STAG2: variants seen among roughly 807,000 people sequenced by gnomAD.
The protein encoded by STAG2 is cohesin subunit SA-2.
A neutral mutation model predicts 108.1 loss-of-function variants in STAG2; 14 were observed. The observed-to-expected ratio is 0.13, with a 90% CI of 0.09 to 0.20. The LOEUF is 0.20. STAG2 is among the 10% of genes least tolerant of loss of function. The pLI is 1.00. For missense variants in STAG2, 440 were observed against 940.9 expected, an observed-to-expected ratio of 0.47 and a Z score of 6.96; for synonymous variants, 307 against 302.7, an observed-to-expected ratio of 1.01 and a Z score of -0.15.
chrX:124,068,999 G>A (rs2058603400), intron 24 of STAG2, among the ~76,000 whole-genome samples: 1 of 111,495 alleles, frequency 9.0e-6, no homozygotes, highest in African/African-American at 3.3e-5. Flanking sequence ...TTGTTCCAGG[G>A]TAGAAAAGTC....
At chrX:124,029,005 A>ATT (rs2057232820) in intron 4 of STAG2, among the ~76,000 whole-genome samples, 3 of 97,340 alleles carry the variant, frequency 3.1e-5, no homozygotes, top group African/African-American at 1.1e-4. Flanking sequence ...ATATATATAT[A>ATT]TATATATATT....
At position 123,972,230 on chromosome X, in the gene STAG2, T is replaced by C. The variant is rs1265370362; in HGVS notation, c.-163+10374T>C. On this transcript the variant is annotated intron_variant, in intron 1 of 34. Transcript: ENST00000371145. ...ATTGAGTAATTTGTGTTTTTTTTTT[T>C]CCCTCTAGCTAGTTGACGTTTGGAG... Among the ~76,000 whole-genome samples, 15 of 110,858 alleles carry C rather than the reference T, an allele frequency of 1.4e-4. No homozygotes were observed. The East Asian group carries it at 2.8e-3, about 21-fold the overall frequency.
intron 30 of STAG2, among the ~76,000 whole-genome samples, 164 bp from the exon 31 acceptor site, chrX:124,090,411 C>A (rs2059228964): frequency 9.0e-6 from 1 of 110,613 alleles, no homozygotes; most frequent in Admixed American, 9.7e-5. Flanking sequence ...CGCAACTAGA[C>A]TCTAAGGCCA....
chrX:124,034,614 T>C (rs1038635585), intron 5 of STAG2, among the ~76,000 whole-genome samples: 4 of 111,465 alleles, frequency 3.6e-5, no homozygotes, highest in African/African-American at 1.3e-4. Context: ...TCTTGTTGTT[T>C]GCAATAGTTT....
chrX:124,025,412 T>G (rs2057060965), intron 3 of STAG2, among the ~76,000 whole-genome samples: 1 of 111,285 alleles, frequency 9.0e-6, no homozygotes, highest in Admixed American at 9.7e-5. Flanking sequence ...GTAGGAGAGA[T>G]CAGAGGATCC....
At chrX:123,974,577 CTTTTTT>C (rs778065126) in intron 1 of STAG2, among the ~76,000 whole-genome samples, 6 of 85,201 alleles carry the variant, frequency 7.0e-5, no homozygotes, top group South Asian at 1.1e-3. Flanking sequence ...TTGATACCTT[CTTTTTT>C]TTTTTTTTTT....
Position 124,063,272 on chromosome X carries a change from G to A in STAG2, c.1821+67G>A, listed in dbSNP as rs902341398. The A allele has an allele frequency of 9.7e-6, 8 of 822,684 alleles. No homozygotes were observed. In the African/African-American group the frequency reaches 1.7e-4, roughly 17 times the overall value. 67.8% of individuals were successfully genotyped at this position (822,684 alleles called of 1,213,427 possible). A position where few individuals can be genotyped will look rare whatever the true frequency, so the allele number is the denominator to read the frequency against. On this transcript the variant is annotated intron_variant, in intron 19 of 34. Transcript: ENST00000371145. ...TTCAGTTCATTATATCATAGCGTTT[G>A]TTTATATTTCTTAAAATGTTTTTTT...
chrX:124,056,698 A>C (rs1238247258), intron 14 of STAG2, among the ~76,000 whole-genome samples: 1 of 90,480 alleles, frequency 1.1e-5, no homozygotes, highest in Non-Finnish European at 2.1e-5. Context: ...GGGCCACTGC[A>C]CTCCAGCCTG....
At chrX:124,027,518 G>C (rs1310184331) in intron 4 of STAG2, among the ~76,000 whole-genome samples, 1 of 111,171 alleles carries the variant, frequency 9.0e-6, no homozygotes, top group Non-Finnish European at 1.9e-5. Context: ...GATTCTTGGT[G>C]GCACCTGAGT....
intron 26 of STAG2, among the ~76,000 whole-genome samples, chrX:124,077,572 T>C (rs1161306853): frequency 8.9e-6 from 1 of 112,094 alleles, no homozygotes; most frequent in East Asian, 2.8e-4. Context: ...CCGGTATCAA[T>C]GAATTAGTTA....
intron 1 of STAG2, among the ~76,000 whole-genome samples, chrX:124,014,464 G>A (rs375440586): frequency 9.1e-6 from 1 of 110,370 alleles, no homozygotes; most frequent in African/African-American, 3.3e-5. Flanking sequence ...GGGTTTAAGC[G>A]ATTCTCATGC....
intron 1 of STAG2, chrX:123,962,237 G>A (rs2053901077): frequency 9.0e-6 from 1 of 111,432 alleles, no homozygotes; most frequent in African/African-American, 3.3e-5. Flanking sequence ...TGGGCCGTGG[G>A]AGAGAGAAGG....
At chrX:123,981,883 G>A (rs1041982954) in intron 1 of STAG2, among the ~76,000 whole-genome samples, 2 of 111,422 alleles carry the variant, frequency 1.8e-5, no homozygotes, top group African/African-American at 3.3e-5. Flanking sequence ...ACAGAGTGCC[G>A]TGTGTATGTT....
intron 4 of STAG2, among the ~76,000 whole-genome samples, chrX:124,028,415 C>T (rs774542463): frequency 2.6e-4 from 29 of 111,651 alleles, no homozygotes; most frequent in Non-Finnish European, 4.7e-4. Flanking sequence ...GTGATTCTAT[C>T]ATGCTACTCA....
chrX:124,100,931 G>C lies in STAG2; in HGVS notation c.*334G>C, dbSNP rs2059497948. On this transcript the variant is annotated 3_prime_UTR_variant, in exon 35 of 35. Transcript: ENST00000371145. ...ACAATCTGAAGAGGCATTTGGTACA[G>C]ATATGAATTCTCTTACATTTATTTA... 1 of 183,792 alleles carries C rather than the reference G, an allele frequency of 5.4e-6. No homozygotes were observed. The highest frequency in any genetic ancestry group is 3.1e-5 in the African/African-American group (1 of 32,527). The allele number at this position is 183,792 out of a possible 1,213,427, so 15.1% of individuals were successfully genotyped here.
rs948678091 is a variant in STAG2, at chrX:124,029,470, C to G, written c.124-1491C>G. Among the ~76,000 whole-genome samples the G allele has an allele frequency of 4.5e-4, 50 of 110,644 alleles. 1 individual carries two copies. Among genetic ancestry groups the G allele is most frequent in the Non-Finnish European group, 1.7e-4 (9 of 52,944 alleles). ...GGACTATAGGCGTATGCCGCCATGCCTGGCTAATTTTTTGTATTTTAGTAG... is the reference window on the plus strand; with the variant it reads ...GGACTATAGGCGTATGCCGCCATGCGTGGCTAATTTTTTGTATTTTAGTAG... On this transcript the variant is annotated intron_variant, in intron 4 of 34. Coordinates refer to ENST00000371145, the MANE Select transcript of STAG2 (RefSeq NM_001042750.2).
chrX:124,020,902 C>A (rs1049854408), intron 1 of STAG2, among the ~76,000 whole-genome samples: 9 of 111,658 alleles, frequency 8.1e-5, no homozygotes, highest in African/African-American at 2.9e-4. Flanking sequence ...GAACTCCTCA[C>A]CTCAAGTGAC....
At chrX:123,972,851 C>A (rs1405274316) in intron 1 of STAG2, among the ~76,000 whole-genome samples, 6 of 76,640 alleles carry the variant, frequency 7.8e-5, no homozygotes, top group Admixed American at 1.6e-4. Flanking sequence ...AAACTCCCCC[C>A]CTCTACCAAA....
chrX:124,036,382 TTTTG>T (rs998683093), intron 5 of STAG2, among the ~76,000 whole-genome samples: 8 of 111,828 alleles, frequency 7.2e-5, no homozygotes, highest in African/African-American at 9.8e-5. Context: ...TTGTTGTTGT[TTTTG>T]TTTGTTTGTT....
Sources: allele counts gnomAD v4.1 joint callset (sites outside exome capture counted in the v4.1 genomes callset), GRCh38; gene constraint gnomAD v4.1.1; transcripts MANE v1.5; gene names NCBI Gene and HGNC (gene_info 2026-07-23, HGNC 2026-07-21).